Variants in SAMD4A observed in about 807,000 individuals in gnomAD.
SAMD4A encodes the protein protein Smaug homolog 1.
In SAMD4A, 33 loss-of-function variants were observed where a neutral mutation model predicts 81.3. That is an observed-to-expected ratio of 0.41 (90% CI 0.31 to 0.54). The LOEUF is 0.54. Ranked by LOEUF, SAMD4A falls within the 20% of genes least tolerant of loss-of-function variation. The probability of loss-of-function intolerance (pLI) is 0.37; values close to 1 mark genes in which losing one functional copy is unlikely to be tolerated. For synonymous variants in SAMD4A, 389 were observed against 382.1 expected, an observed-to-expected ratio of 1.02 and a Z score of -0.21; for missense variants, 854 against 951.1, an observed-to-expected ratio of 0.90 and a Z score of 1.34.
intron 2 of SAMD4A, chr14:54,689,970 AC>A (rs1314237979): frequency 1.3e-5 from 2 of 152,218 alleles, no homozygotes; most frequent in Non-Finnish European, 2.9e-5. Flanking sequence ...TGCTATTGAT[AC>A]TTATCAGAGA....
chr14:54,727,005 A>G (rs1233697920), intron 3 of SAMD4A, among the ~76,000 whole-genome samples: 2 of 151,970 alleles, frequency 1.3e-5, no homozygotes, highest in African/African-American at 4.8e-5. Flanking sequence ...GTTCGGTCAC[A>G]TTTTTGTCAA....
At chr14:54,634,300 AG>A (rs141407037) in intron 2 of SAMD4A, among the ~76,000 whole-genome samples, 4,449 of 56,344 alleles carry the variant, frequency 0.079, 171 homozygotes, top group East Asian at 0.19. Context: ...GGGTGGGGGG[AG>A]GGGGGAAGTA....
intron 3 of SAMD4A, among the ~76,000 whole-genome samples, chr14:54,707,675 G>T (rs1254715080): frequency 6.6e-6 from 1 of 152,130 alleles, no homozygotes; most frequent in East Asian, 1.9e-4. Flanking sequence ...AAACAGGGTG[G>T]TCAGGGTAGA....
chr14:54,637,198 C>G (rs2035053517), intron 2 of SAMD4A, among the ~76,000 whole-genome samples: 1 of 151,710 alleles, frequency 6.6e-6, no homozygotes, highest in South Asian at 2.1e-4. Flanking sequence ...AACCTCGTCT[C>G]TACTAAAAAT....
rs1239691279 is a variant in SAMD4A at position 54,760,230 on chromosome 14, A to G, written c.1246A>G (p.Lys416Glu). ...ELHQMILTPIKAYSSPSTTPE... is the reference protein window; with the variant it reads ...ELHQMILTPIEAYSSPSTTPE... ...GCACCAGATGATCCTGACTCCGATC[A>G]AGGCCTACAGCTCCCCGAGCACCAC... Residue 416 changes from lysine (K) to glutamate (E), a missense_variant, in exon 7 of 13, where the codon AAG becomes GAG. Physicochemically the swap from Lys to Glu is moderately conservative, Grantham distance 56 (BLOSUM62 1). This residue lies in a region of SAMD4A where 428 missense variants were observed against 471.2 expected (regional missense o/e 0.91). Transcript: ENST00000554335. The G allele has an allele frequency of 6.2e-7, 1 of 1,613,268 alleles. No individual in the cohort carries two copies. The highest frequency in any genetic ancestry group is 8.5e-7 in the Non-Finnish European group (1 of 1,179,906).
chr14:54,676,730 G>A (rs921581751), intron 2 of SAMD4A, among the ~76,000 whole-genome samples: 1 of 152,202 alleles, frequency 6.6e-6, no homozygotes, highest in Non-Finnish European at 1.5e-5. Context: ...GAAATTGCTA[G>A]CCTTCTAATA....
At chr14:54,686,725 T>A (rs866200721) in intron 2 of SAMD4A, among the ~76,000 whole-genome samples, 2 of 152,110 alleles carry the variant, frequency 1.3e-5, no homozygotes, top group African/African-American at 4.8e-5. Flanking sequence ...TTGGGAATAG[T>A]GTTATTACAG....
At position 54,675,754 on chromosome 14, in the gene SAMD4A, T is replaced by C. The variant is rs76518407; in HGVS notation, c.197-26308T>C. Among the ~76,000 whole-genome samples the C allele has an allele frequency of 7.3e-3, 1,111 of 152,152 alleles. 12 individuals are homozygous for C. Among genetic ancestry groups the C allele is most frequent in the African/African-American group, 0.026 (1,075 of 41,496 alleles). ...CACATTTTTGAAAGTGAGGCGAGAG[T>C]CACCCTGCAGTACAAATGAGCTTGC... On this transcript the variant is annotated intron_variant, in intron 2 of 12. Transcript: ENST00000554335.
At chr14:54,627,737 A>T (rs570326372) in intron 2 of SAMD4A, among the ~76,000 whole-genome samples, 2 of 152,332 alleles carry the variant, frequency 1.3e-5, no homozygotes, top group South Asian at 4.1e-4. Context: ...CCGAAGCTTT[A>T]TCTGTGTCTC....
chr14:54,769,095 A>G (rs1203474278), intron 8 of SAMD4A, among the ~76,000 whole-genome samples: 1 of 152,216 alleles, frequency 6.6e-6, no homozygotes, highest in Admixed American at 6.5e-5. Flanking sequence ...TTCCCACAGC[A>G]CGTGTTCTAA....
Position 54,567,932 on chromosome 14 carries a change from C to T in SAMD4A, c.16C>T (p.Gln6Ter). 1.2e-6 allele frequency: 2 copies of T among 1,608,546 alleles called. No homozygotes were observed. The highest frequency in any genetic ancestry group is 8.5e-7 in the Non-Finnish European group (1 of 1,179,020). The change falls in exon 2 of 13, where the codon CAG becomes TAG. Residue 6 changes from glutamine (Q) to a stop codon, truncating the protein, a stop_gained. Coordinates refer to ENST00000554335, the MANE Select transcript of SAMD4A (RefSeq NM_015589.6). LOFTEE classifies it high-confidence loss of function. MMFRD[Q>*]VGVLAGWFKG... is the part of the protein sequence containing the mutation. The stretch of plus-strand genomic sequence containing the variant: ...CCCCCTAACCATGATGTTTCGCGAC[C>T]AGGTCGGGGTGCTGGCGGGCTGGTT...
At chr14:54,769,363 C>T (rs2038642109) in intron 8 of SAMD4A, among the ~76,000 whole-genome samples, 1 of 152,166 alleles carries the variant, frequency 6.6e-6, no homozygotes, top group Non-Finnish European at 1.5e-5. Context: ...CTTGGAGACT[C>T]CTAACCCACA....
chr14:54,598,802 TCTCCCCTCCC>T (rs531920114), intron 2 of SAMD4A, among the ~76,000 whole-genome samples: 1 of 151,938 alleles, frequency 6.6e-6, no homozygotes, highest in Non-Finnish European at 1.5e-5. Flanking sequence ...TTCTGTTCCC[TCTCCCCTCCC>T]CTCCCCTCCC....
At position 54,685,389 on chromosome 14, in the gene SAMD4A, A is replaced by C. The variant is rs145102103; in HGVS notation, c.197-16673A>C. Among the ~76,000 whole-genome samples, 618 of 152,104 alleles carry C rather than the reference A, an allele frequency of 4.1e-3. 1 individual carries two copies. The highest frequency in any genetic ancestry group is 0.014 in the African/African-American group (593 of 41,466). On this transcript the variant is annotated intron_variant, in intron 2 of 12. Transcript: ENST00000554335. The stretch of plus-strand genomic sequence containing the variant: ...TTGTGTCTAGCTTAATTAACTTAGC[A>C]CAGTGTCCTTGAGGTCCATCTATGT...
intron 2 of SAMD4A, among the ~76,000 whole-genome samples, chr14:54,608,936 T>C (rs1046631687): frequency 3.9e-5 from 6 of 152,194 alleles, no homozygotes; most frequent in African/African-American, 1.4e-4. Flanking sequence ...TTAAAGTCAC[T>C]TAACAAGAAT....
chr14:54,723,310 C>A (rs1322307698), intron 3 of SAMD4A, among the ~76,000 whole-genome samples: 1 of 152,092 alleles, frequency 6.6e-6, no homozygotes, highest in Non-Finnish European at 1.5e-5. Flanking sequence ...TGTGGTTGGG[C>A]AGGTGATTTC....
At chr14:54,760,599 T>C (rs945171752) in intron 7 of SAMD4A, 105 bp downstream of exon 7, 78 of 1,345,874 alleles carry the variant, frequency 5.8e-5, no homozygotes, top group Non-Finnish European at 6.9e-5. Flanking sequence ...CCTGTCCAAG[T>C]AGACATCATT....
Position 54,792,526 on chromosome 14 carries a change from A to C in SAMD4A, c.*3582A>C, listed in dbSNP as rs1057201849. The C allele has an allele frequency of 2.6e-5, 4 of 152,246 alleles. No homozygotes were observed. The highest frequency in any genetic ancestry group is 5.9e-5 in the Non-Finnish European group (4 of 68,102). The allele number at this position is 152,246 out of a possible 1,614,324, so 9.4% of individuals were successfully genotyped here. On this transcript the variant is annotated 3_prime_UTR_variant, in exon 13 of 13. Coordinates refer to ENST00000554335, the MANE Select transcript of SAMD4A (RefSeq NM_015589.6). ...CTGAATGCAAAAGCATGCAACCAGAAGGCGGGCAAGGGGAGGAAAAGCAGG... is the reference window on the plus strand; with the variant it reads ...CTGAATGCAAAAGCATGCAACCAGACGGCGGGCAAGGGGAGGAAAAGCAGG...
intron 2 of SAMD4A, among the ~76,000 whole-genome samples, chr14:54,624,577 A>C (rs2034700780): frequency 6.6e-6 from 1 of 152,244 alleles, no homozygotes; most frequent in South Asian, 2.1e-4. Flanking sequence ...TTTGGTAAAA[A>C]GCATGTAGTT....
Sources: gnomAD v4.1 joint callset for allele counts (sites outside exome capture counted in the v4.1 genomes callset) on GRCh38, gnomAD v4.1.1 for gene constraint, gnomAD v4.1.1 regional missense constraint, MANE v1.5 for transcripts, NCBI Gene and HGNC (gene_info 2026-07-23, HGNC 2026-07-21) for gene names.